TBXAS1: variants seen among roughly 807,000 people sequenced by gnomAD.
The protein encoded by TBXAS1 is thromboxane A synthase 1.
Under a neutral mutation model 60.7 loss-of-function variants are expected in TBXAS1, and 48 were observed. The observed-to-expected ratio is 0.79, with a 90% CI of 0.63 to 1.01. TBXAS1 has a LOEUF of 1.01. TBXAS1 is among the 50% of genes least tolerant of loss of function. The pLI is 0.00. For missense variants in TBXAS1, 685 were observed against 686.3 expected, an observed-to-expected ratio of 1.00 and a Z score of 0.02; for synonymous variants, 287 against 269.7, an observed-to-expected ratio of 1.06 and a Z score of -0.63.
chr7:140,003,133 A>G, intron 9 of TBXAS1, among the ~76,000 whole-genome samples: 1 of 151,998 alleles, frequency 6.6e-6, no homozygotes, highest in Admixed American at 6.6e-5. Flanking sequence ...TCAAAAAAAA[A>G]AAAAAAAAAG....
chr7:139,895,482 C>T (rs150992604), intron 3 of TBXAS1, among the ~76,000 whole-genome samples: 129 of 152,260 alleles, frequency 8.5e-4, no homozygotes, highest in African/African-American at 2.8e-3. Context: ...GACAAAATGC[C>T]ACCTCTCTGT....
At chr7:139,893,456 T>C (rs1803815020) in intron 3 of TBXAS1, among the ~76,000 whole-genome samples, 1 of 152,096 alleles carries the variant, frequency 6.6e-6, no homozygotes. Flanking sequence ...ATTTTAATGT[T>C]CCTTTGTCCC....
chr7:139,974,970 G>C (rs1403671211), intron 9 of TBXAS1, among the ~76,000 whole-genome samples: 1 of 152,226 alleles, frequency 6.6e-6, no homozygotes, highest in Admixed American at 6.5e-5. Context: ...GAGACAGAAA[G>C]ACATTCATTT....
intron 9 of TBXAS1, among the ~76,000 whole-genome samples, chr7:139,985,309 C>G (rs929395400): frequency 6.6e-6 from 1 of 152,256 alleles, no homozygotes; most frequent in African/African-American, 2.4e-5. Context: ...ATCCACCCCC[C>G]ACCCCTCTAG....
intron 4 of TBXAS1, among the ~76,000 whole-genome samples, chr7:139,927,875 C>G (rs1031567345): frequency 1.3e-5 from 2 of 152,028 alleles, no homozygotes; most frequent in Non-Finnish European, 2.9e-5. Flanking sequence ...TATTTTTAAG[C>G]TCAATATTGA....
At chr7:139,930,727 G>A (rs1291231039) in intron 4 of TBXAS1, among the ~76,000 whole-genome samples, 1 of 152,130 alleles carries the variant, frequency 6.6e-6, no homozygotes, top group African/African-American at 2.4e-5. Context: ...AACAAGTTAG[G>A]GAGTTTGCAC....
intron 9 of TBXAS1, among the ~76,000 whole-genome samples, chr7:139,992,575 G>A (rs1171915327): frequency 6.6e-6 from 1 of 152,232 alleles, no homozygotes; most frequent in East Asian, 1.9e-4. Context: ...GCAAAGGGCT[G>A]AAATAGCATC....
At chr7:139,891,760 C>T (rs1374145746) in intron 3 of TBXAS1, among the ~76,000 whole-genome samples, 1 of 152,192 alleles carries the variant, frequency 6.6e-6, no homozygotes, top group African/African-American at 2.4e-5. Context: ...ACAGAAGAAT[C>T]ATCTCTAAGT....
At chr7:139,815,050 C>G (rs1441335007) in intron 4 of TBXAS1, among the ~76,000 whole-genome samples, 1 of 152,236 alleles carries the variant, frequency 6.6e-6, no homozygotes, top group Non-Finnish European at 1.5e-5. Flanking sequence ...AATACTGTCT[C>G]AAATCCAAAC....
intron 4 of TBXAS1, among the ~76,000 whole-genome samples, chr7:139,824,229 G>A (rs1447672789): frequency 6.6e-6 from 1 of 152,216 alleles, no homozygotes; most frequent in Non-Finnish European, 1.5e-5. Flanking sequence ...AAGACTTGGA[G>A]TGAGTGGAGA....
chr7:139,786,532 G>A (rs969102900), intron 3 of TBXAS1, among the ~76,000 whole-genome samples: 6 of 152,094 alleles, frequency 3.9e-5, no homozygotes, highest in South Asian at 2.1e-4. Context: ...TAAGCCTAGG[G>A]TTCTTTTTTC....
At chr7:139,787,125 A>T (rs1797224735) in intron 3 of TBXAS1, among the ~76,000 whole-genome samples, 1 of 152,246 alleles carries the variant, frequency 6.6e-6, no homozygotes, top group Non-Finnish European at 1.5e-5. Flanking sequence ...AAAATAATTC[A>T]ACAGCTTCAA....
chr7:139,949,677 G>A (rs1013781035), intron 5 of TBXAS1, among the ~76,000 whole-genome samples: 1 of 152,224 alleles, frequency 6.6e-6, no homozygotes, highest in African/African-American at 2.4e-5. Context: ...GAGATACTAA[G>A]AATAAATCAG....
intron 1 of TBXAS1, among the ~76,000 whole-genome samples, chr7:139,837,546 T>C (rs1037570652): frequency 2.6e-5 from 4 of 152,208 alleles, no homozygotes; most frequent in African/African-American, 7.2e-5. Context: ...TTATTCTAAG[T>C]GAAATAACTC....
chr7:139,936,055 T>C (rs1473698765), intron 4 of TBXAS1, 136 bp from the exon 5 acceptor site: 1 of 824,170 alleles, frequency 1.2e-6, no homozygotes, highest in African/African-American at 1.7e-5. Flanking sequence ...TCTTCCTCTC[T>C]CTCCTTGCAA....
At chr7:139,884,988 C>T (rs772556313) in intron 3 of TBXAS1, among the ~76,000 whole-genome samples, 5 of 152,070 alleles carry the variant, frequency 3.3e-5, no homozygotes, top group South Asian at 2.1e-4. Flanking sequence ...GGAGAGGCAC[C>T]GAGTCTCATG....
At chr7:139,966,902 T>C (rs1275175697) in intron 9 of TBXAS1, among the ~76,000 whole-genome samples, 2 of 150,832 alleles carry the variant, frequency 1.3e-5, no homozygotes, top group Non-Finnish European at 3.0e-5. Flanking sequence ...CCCTTTCTCC[T>C]CCAGGAGTGG....
At chr7:139,873,614 CGTT>C (rs1399858527) in intron 2 of TBXAS1, among the ~76,000 whole-genome samples, 1 of 152,134 alleles carries the variant, frequency 6.6e-6, no homozygotes, top group Non-Finnish European at 1.5e-5. Context: ...AGAAATAAAA[CGTT>C]GGGTGGGGGA....
intron 4 of TBXAS1, among the ~76,000 whole-genome samples, chr7:139,814,132 C>T (rs1022890388): frequency 6.6e-6 from 1 of 152,150 alleles, no homozygotes; most frequent in Admixed American, 6.5e-5. Flanking sequence ...AAAGAAGTAG[C>T]GTTTGAGCCA....
Sources: gnomAD v4.1 joint callset for allele counts (sites outside exome capture counted in the v4.1 genomes callset) on GRCh38, gnomAD v4.1.1 for gene constraint, MANE v1.5 for transcripts, NCBI Gene and HGNC (gene_info 2026-07-23, HGNC 2026-07-21) for gene names.